TMLHE: variants seen among roughly 807,000 people sequenced by gnomAD.
TMLHE encodes trimethyllysine dioxygenase, mitochondrial.
Under a neutral mutation model 25.7 loss-of-function variants are expected in TMLHE, and 18 were observed. The ratio of observed to expected loss-of-function variants is 0.70; its 90% CI spans 0.48 to 1.04. The LOEUF is 1.04. TMLHE is among the 50% of genes least tolerant of loss of function. The pLI, the probability that TMLHE is intolerant of heterozygous loss-of-function variation, is 0.00. For missense variants in TMLHE, 236 were observed against 259.0 expected (o/e 0.91, Z 0.61); for synonymous variants, 105 against 97.0 (o/e 1.08, Z -0.49).
Position 155,545,214 on chromosome X carries a change from G to T in TMLHE, c.63C>A (p.Val21=), listed in dbSNP as rs782041662. 1 of 1,209,804 alleles carries T rather than the reference G, an allele frequency of 8.3e-7. No homozygotes were observed. Among genetic ancestry groups the T allele is most frequent in the Admixed American group, 2.2e-5 (1 of 45,802 alleles). ...SRLQDLLKGG[V]IYPALPQPNF... is the part of the protein sequence containing the mutation. ...TGGGCTGTGGAAGGGCCGGATATAT[G>T]ACTCCTCCCTTCAGCAAGTCCTGAA... Residue 21 remains valine, a synonymous_variant, in exon 2 of 8, where the codon GTC becomes GTA. Transcript: ENST00000334398.
rs201633736 is a variant in TMLHE, at chrX:155,516,012, TC to T, written c.359-1748del. ...TCTATTGGAACAATTGTACTTTTCT[TC>T]TTTTTTTTTTTTTTTTATTATACTC... On this transcript the variant is annotated intron_variant, in intron 3 of 7. Coordinates refer to ENST00000334398, the MANE Select transcript of TMLHE (RefSeq NM_018196.4). Among the ~76,000 whole-genome samples the T allele has an allele frequency of 1.2e-3, 103 of 82,807 alleles. 4 individuals carry two copies. Among genetic ancestry groups the T allele is most frequent in the African/African-American group, 3.4e-3 (76 of 22,291 alleles). The allele number at this position is 82,807 out of a possible 115,157, so 71.9% of individuals were successfully genotyped here.
At chrX:155,603,764 A>G (rs2067771075) in intron 1 of TMLHE, among the ~76,000 whole-genome samples, 1 of 112,220 alleles carries the variant, frequency 8.9e-6, no homozygotes, top group South Asian at 3.7e-4. Context: ...CCATACACAA[A>G]ATAACACAGA....
At chrX:155,603,381 A>T (rs781808227) in intron 1 of TMLHE, among the ~76,000 whole-genome samples, 2,321 of 108,998 alleles carry the variant, frequency 0.021, 22 homozygotes, top group Non-Finnish European at 0.029. Context: ...AAAGAAAGAA[A>T]GAAAGAAAGA....
chrX:155,606,759 A>G (rs2067788907), intron 1 of TMLHE, among the ~76,000 whole-genome samples: 1 of 105,814 alleles, frequency 9.5e-6, no homozygotes, highest in Admixed American at 1.0e-4. Flanking sequence ...CCAAAAACAG[A>G]AATGATAAAG....
At chrX:155,588,654 G>GT (rs1399798892) in intron 1 of TMLHE, among the ~76,000 whole-genome samples, 18 of 110,332 alleles carry the variant, frequency 1.6e-4, no homozygotes, top group Non-Finnish European at 3.4e-4. Flanking sequence ...AAAAAATCCC[G>GT]TTAAAAAGTG....
chrX:155,582,964 C>T (rs1350561514), intron 1 of TMLHE, among the ~76,000 whole-genome samples: 15 of 112,397 alleles, frequency 1.3e-4, no homozygotes, highest in African/African-American at 4.9e-4. Flanking sequence ...AAATTTGGCA[C>T]ATATACACCA....
chrX:155,538,361 T>A (rs946706283), intron 2 of TMLHE, among the ~76,000 whole-genome samples: 4 of 111,998 alleles, frequency 3.6e-5, no homozygotes, highest in Admixed American at 1.9e-4. Flanking sequence ...ACTTTTTTCA[T>A]CCACTCATCC....
At chrX:155,596,472 G>T (rs782464694) in intron 1 of TMLHE, among the ~76,000 whole-genome samples, 3 of 111,130 alleles carry the variant, frequency 2.7e-5, no homozygotes. Flanking sequence ...GGCCTTTAAG[G>T]CTCATTACAC....
chrX:155,512,364 T>C (rs2067122237), intron 4 of TMLHE, among the ~76,000 whole-genome samples: 2 of 89,365 alleles, frequency 2.2e-5, no homozygotes, highest in South Asian at 1.3e-3. Flanking sequence ...TTCCCCTTCC[T>C]GTGTCCATGT....
chrX:155,601,126 T>G (rs1283954307), intron 1 of TMLHE, among the ~76,000 whole-genome samples: 2 of 111,870 alleles, frequency 1.8e-5, no homozygotes, highest in Non-Finnish European at 3.8e-5. Flanking sequence ...CAAAAATCAA[T>G]GTGAAATAAA....
At chrX:155,550,470 G>C in intron 1 of TMLHE, among the ~76,000 whole-genome samples, 2 of 111,170 alleles carry the variant, frequency 1.8e-5, no homozygotes, top group Middle Eastern at 4.6e-3. Context: ...TGGATAAGTA[G>C]CACTGAAAGC....
chrX:155,560,586 T>C, intron 1 of TMLHE, among the ~76,000 whole-genome samples: 1 of 39,365 alleles, frequency 2.5e-5, no homozygotes, highest in African/African-American at 4.5e-5. Flanking sequence ...GAGGAGTTAG[T>C]CATAAGGATA....
chrX:155,522,234 TTTTTC>T (rs1469370497), intron 3 of TMLHE, among the ~76,000 whole-genome samples: 1 of 112,171 alleles, frequency 8.9e-6, no homozygotes, highest in African/African-American at 3.2e-5. Context: ...CCTCCAATGC[TTTTTC>T]TTTTAACTTT....
chrX:155,586,976 A>G (rs2067668883), intron 1 of TMLHE, among the ~76,000 whole-genome samples: 1 of 112,426 alleles, frequency 8.9e-6, no homozygotes, highest in Admixed American at 9.4e-5. Flanking sequence ...AACTATTCTA[A>G]AAAATTGAAG....
intron 1 of TMLHE, among the ~76,000 whole-genome samples, chrX:155,595,109 C>A (rs1292565482): frequency 9.0e-6 from 1 of 111,549 alleles, no homozygotes; most frequent in African/African-American, 3.3e-5. Flanking sequence ...TAAAATTTGT[C>A]AAAATTTACA....
At chrX:155,511,024 G>GT (rs1286934971) in intron 5 of TMLHE, among the ~76,000 whole-genome samples, 2 of 111,513 alleles carry the variant, frequency 1.8e-5, no homozygotes, top group African/African-American at 3.3e-5. Context: ...TTTCTCATGT[G>GT]TTTTTTGGCT....
intron 2 of TMLHE, among the ~76,000 whole-genome samples, chrX:155,526,377 G>A (rs2067219636): frequency 8.9e-6 from 1 of 112,882 alleles, no homozygotes; most frequent in Non-Finnish European, 1.9e-5. Context: ...TGGGCCTATG[G>A]GTGCCCAGAA....
At chrX:155,524,667 T>C in intron 2 of TMLHE, 35 bp from the exon 3 acceptor site, 1 of 1,099,192 alleles carries the variant, frequency 9.1e-7, no homozygotes, top group African/African-American at 1.8e-5. Context: ...GAACTATTTA[T>C]TGAGATAACT....
At chrX:155,510,583 C>A (rs1206558749) in intron 5 of TMLHE, among the ~76,000 whole-genome samples, 67 of 109,537 alleles carry the variant, frequency 6.1e-4, no homozygotes, top group African/African-American at 1.8e-3. Flanking sequence ...ATGAACTCAT[C>A]ATTTTTTATG....
Sources: gnomAD v4.1 joint callset for allele counts (sites outside exome capture counted in the v4.1 genomes callset) on GRCh38, gnomAD v4.1.1 for gene constraint, MANE v1.5 for transcripts, NCBI Gene and HGNC (gene_info 2026-07-23, HGNC 2026-07-21) for gene names.